Variants in C11orf65 observed in about 807,000 individuals in gnomAD.
C11orf65 encodes the protein protein MFI.
C11orf65 carries 38 observed loss-of-function variants against 35.3 expected under a neutral mutation model. That is an observed-to-expected ratio of 1.08 (90% CI 0.83 to 1.41). The LOEUF (loss-of-function observed/expected upper bound fraction) is 1.41, where lower values mean the gene tolerates loss of function less well. Among genes scored for constraint, C11orf65 ranks in the 40% most tolerant of loss-of-function variants. The pLI is 0.00. For synonymous variants in C11orf65, 105 were observed against 114.4 expected (o/e 0.92, Z 0.53); for missense variants, 370 against 367.1 (o/e 1.01, Z -0.06).
At chr11:108,362,953 A>T (rs936350665) in intron 2 of C11orf65, among the ~76,000 whole-genome samples, 6 of 151,814 alleles carry the variant, frequency 4.0e-5, no homozygotes, top group East Asian at 1.9e-4. Context: ...AGTATAATTT[A>T]AAAAAAACTA....
At chr11:108,367,837 T>C in intron 2 of C11orf65, 1 of 207,852 alleles carries the variant, frequency 4.8e-6, no homozygotes. Flanking sequence ...TTGGTGTATC[T>C]TTTTCTTACA....
rs528654997 is a variant in C11orf65, at chr11:108,392,683, C to T, written c.731+525G>A. On this transcript the variant is annotated intron_variant, in intron 7 of 8. Coordinates refer to ENST00000393084, the MANE Select transcript of C11orf65 (RefSeq NM_152587.5). The stretch of plus-strand genomic sequence containing the variant: ...CTTGCAAACACTTGTTATTATCTGT[C>T]TTTTTAATTATAGCTATCCTAGTAG... 2.0e-5 allele frequency among the ~76,000 whole-genome samples: 3 copies of T among 152,270 alleles called. No homozygotes were observed. In the South Asian group the frequency reaches 6.2e-4, roughly 32 times the overall value.
At chr11:108,425,214 A>AG (rs1474826257) in intron 3 of C11orf65, among the ~76,000 whole-genome samples, 1 of 152,224 alleles carries the variant, frequency 6.6e-6, no homozygotes, top group Non-Finnish European at 1.5e-5. Context: ...CAGTGAATCC[A>AG]GGAGCTGTTT....
chr11:108,437,362 C>A (rs2093076313), intron 2 of C11orf65, among the ~76,000 whole-genome samples: 1 of 151,858 alleles, frequency 6.6e-6, no homozygotes, highest in Admixed American at 6.6e-5. Flanking sequence ...AATAAGGCTG[C>A]AGGAACAAAT....
intron 2 of C11orf65, among the ~76,000 whole-genome samples, chr11:108,455,780 C>A (rs2093403921): frequency 7.3e-6 from 1 of 137,754 alleles, no homozygotes; most frequent in African/African-American, 2.8e-5. Context: ...CACATCACTG[C>A]ACTCCAGCCT....
chr11:108,402,280 CCAA>C (rs2092452922), intron 6 of C11orf65, among the ~76,000 whole-genome samples: 1 of 152,166 alleles, frequency 6.6e-6, no homozygotes, highest in Admixed American at 6.5e-5. Context: ...GTTCCCTACA[CCAA>C]CAAGGCACTT....
chr11:108,331,958 A>G lies in C11orf65; in HGVS notation c.300-391T>C, dbSNP rs28904920. ...GCCTTAGCAAATGCAAACAGAGATGAATTTCTGACTAAACCAGAGGTAGCC... is the reference window on the plus strand; with the variant it reads ...GCCTTAGCAAATGCAAACAGAGATGGATTTCTGACTAAACCAGAGGTAGCC... On this transcript the variant is annotated intron_variant, in intron 3 of 3. Coordinates refer to the C11orf65 transcript ENST00000524755. 3 of 1,614,112 alleles carry G rather than the reference A, an allele frequency of 1.9e-6. No homozygotes were observed. The South Asian group carries it at 3.3e-5, about 18-fold the overall frequency.
chr11:108,317,752 GC>G lies in C11orf65; in HGVS notation c.641-8682del, dbSNP rs767828818. Among the ~76,000 whole-genome samples, 140 of 149,642 alleles carry G rather than the reference GC, an allele frequency of 9.4e-4. No individual in the cohort carries two copies. Among genetic ancestry groups the G allele is most frequent in the East Asian group, 7.8e-4 (4 of 5,100 alleles). On this transcript the variant is annotated intron_variant, in intron 6 of 6. Coordinates refer to the C11orf65 transcript ENST00000525729. ...AAAAAATATATAGTAGATGTTGCAA[GC>G]TATAGATAGCCCTAAATCCTTCAGT...
At chr11:108,379,210 AAGACTTGGAACCAACCC>A (rs2091808660), downstream of C11orf65, among the ~76,000 whole-genome samples, 1 of 152,206 alleles carries the variant, frequency 6.6e-6, no homozygotes, top group South Asian at 2.1e-4. Context: ...CACAATAGCA[AAGACTTGGAACCAACCC>A]AAATGTCCAA....
chr11:108,372,172 T>A (rs537093437), intron 2 of C11orf65, among the ~76,000 whole-genome samples: 1 of 149,642 alleles, frequency 6.7e-6, no homozygotes, highest in South Asian at 2.1e-4. Context: ...AACACTAAAT[T>A]TTATTCATTC....
chr11:108,356,355 G>A (rs2089920436), intron 2 of C11orf65, among the ~76,000 whole-genome samples: 1 of 152,028 alleles, frequency 6.6e-6, no homozygotes, highest in African/African-American at 2.4e-5. Context: ...GGCCAACATG[G>A]TGAAACCCCG....
chr11:108,399,906 G>C (rs960846635), intron 6 of C11orf65, among the ~76,000 whole-genome samples: 2 of 152,178 alleles, frequency 1.3e-5, no homozygotes, highest in Non-Finnish European at 2.9e-5. Flanking sequence ...GCAGAAGAAG[G>C]AATTCACTGC....
chr11:108,315,677 G>A, intron 6 of C11orf65: 1 of 688,482 alleles, frequency 1.5e-6, no homozygotes, highest in Admixed American at 2.3e-5. Context: ...TTTCAGAACT[G>A]TATTTCAGAA....
At chr11:108,393,460 AT>A in intron 6 of C11orf65, 82 bp from the exon 7 acceptor site, 2 of 1,286,472 alleles carry the variant, frequency 1.6e-6, no homozygotes, top group Non-Finnish European at 2.2e-6. Context: ...TATTGTTGCT[AT>A]TTACATATTA....
chr11:108,321,509 A>G, intron 6 of C11orf65: 3 of 1,577,528 alleles, frequency 1.9e-6, no homozygotes, highest in East Asian at 2.3e-5. Context: ...TAGGCCGGGC[A>G]CGGTGGCTCA....
At chr11:108,354,058 TACACACACACAAACACAC>T (rs1459531339) in intron 2 of C11orf65, among the ~76,000 whole-genome samples, 21 of 67,054 alleles carry the variant, frequency 3.1e-4, no homozygotes, top group South Asian at 1.1e-3. Flanking sequence ...TCTAAAAAAA[TACACACACACAAACACAC>T]ACACACACAC....
chr11:108,437,742 T>G (rs1450228369), intron 2 of C11orf65, among the ~76,000 whole-genome samples: 2 of 72,492 alleles, frequency 2.8e-5, no homozygotes, highest in Non-Finnish European at 2.8e-5. Flanking sequence ...AAAAAAAGGA[T>G]AAGGAAATTA....
intron 2 of C11orf65, chr11:108,355,180 GT>G (rs2089749317): frequency 3.0e-6 from 1 of 338,798 alleles, no homozygotes; most frequent in Non-Finnish European, 5.5e-6. Context: ...TTTCAGAATG[GT>G]TTCCATTAGG....
intron 2 of C11orf65, among the ~76,000 whole-genome samples, chr11:108,451,705 C>T (rs1057314614): frequency 6.6e-6 from 1 of 152,152 alleles, no homozygotes; most frequent in African/African-American, 2.4e-5. Flanking sequence ...CAAGACAATC[C>T]TAAGCCAAAA....
Sources: allele counts gnomAD v4.1 joint callset (sites outside exome capture counted in the v4.1 genomes callset), GRCh38; gene constraint gnomAD v4.1.1; transcripts MANE v1.5; gene names NCBI Gene and HGNC (gene_info 2026-07-23, HGNC 2026-07-21).